Variants in CDH15 observed in about 807,000 individuals in gnomAD.
CDH15 encodes the protein cadherin 15.
CDH15 carries 73 observed loss-of-function variants against 69.4 expected under a neutral mutation model. The ratio of observed to expected loss-of-function variants is 1.05; its 90% CI spans 0.87 to 1.28. The LOEUF is 1.28. Ranked by LOEUF, CDH15 falls within the 50% of genes most tolerant of loss-of-function variation. The probability of loss-of-function intolerance (pLI) is 0.00; values close to 1 mark genes in which losing one functional copy is unlikely to be tolerated. For missense variants in CDH15, 1,343 were observed against 1,133.6 expected (o/e 1.18, Z -2.65); for synonymous variants, 624 against 507.7 (o/e 1.23, Z -3.08).
chr16:89,193,108 TG>T (rs748768483), intron 11 of CDH15, among the ~76,000 whole-genome samples: 7,037 of 7,162 alleles, frequency 0.98, 3,473 homozygotes, highest in Middle Eastern at 1. Flanking sequence ...CCTTCTCCAC[TG>T]CCGCCTCCTC....
chr16:89,180,205 G>C lies in CDH15; in HGVS notation c.207G>C (p.Lys69Asn). 1.2e-6 allele frequency: 2 copies of C among 1,610,988 alleles called. No homozygotes were observed. The highest frequency in any genetic ancestry group is 1.3e-5 in the African/African-American group (1 of 74,972). ...KRLPYPLVQI[K>N]SDKQQLGSVI... The stretch of plus-strand genomic sequence containing the variant: ...ACCCATTTCCTGCCCCACAGATCAA[G>C]TCGGACAAGCAGCAGCTGGGCAGCG... Residue 69 changes from lysine to asparagine, a missense_variant, in exon 3 of 14, where the codon AAG becomes AAC. Lys to Asn is a moderately conservative substitution (Grantham distance 94). Coordinates refer to ENST00000289746, the MANE Select transcript of CDH15 (RefSeq NM_004933.3).
At chr16:89,189,120 TGCCCACACAAAGATGCCGGCAC>T (rs1915575562) in intron 7 of CDH15, among the ~76,000 whole-genome samples, 1 of 124,526 alleles carries the variant, frequency 8.0e-6, no homozygotes. Context: ...CACGCACAGG[TGCCCACACAAAGATGCCGGCAC>T]ACACAGATGC....
At position 89,190,378 on chromosome 16, in the gene CDH15, C is replaced by A. The variant is rs1235039863; in HGVS notation, c.1114C>A (p.Pro372Thr). ...VRVHVQDTNE[P>T]PVFQENPLRT... ...CGTGCATGTGCAGGACACCAACGAG[C>A]CCCCCGTGTTCCAGGAGAACCCACT... is the stretch of plus-strand genomic sequence containing the variant. The change falls in exon 8 of 14, where the codon CCC (proline) becomes ACC (threonine). Residue 372 changes from proline to threonine, a missense_variant. Physicochemically the swap from Pro to Thr is conservative, Grantham distance 38 (BLOSUM62 -1). Coordinates refer to ENST00000289746, the MANE Select transcript of CDH15 (RefSeq NM_004933.3). 1.2e-6 allele frequency: 2 copies of A among 1,612,842 alleles called. No homozygotes were observed. Among genetic ancestry groups the A allele is most frequent in the Admixed American group, 3.3e-5 (2 of 59,976 alleles).
chr16:89,193,354 C>A, intron 11 of CDH15, 116 bp from the exon 12 acceptor site: 1 of 574,138 alleles, frequency 1.7e-6, no homozygotes, highest in African/African-American at 2.0e-5. Flanking sequence ...CCCTCAACCC[C>A]ACCCCTGCTT....
At chr16:89,187,363 C>T in intron 5 of CDH15, 66 bp from the exon 6 acceptor site, 4 of 1,599,440 alleles carry the variant, frequency 2.5e-6, no homozygotes, top group Non-Finnish European at 3.4e-6. Context: ...TGGCTCCCAC[C>T]CCTGACCAGT....
intron 1 of CDH15, among the ~76,000 whole-genome samples, chr16:89,175,310 C>T (rs1915235320): frequency 6.6e-6 from 1 of 152,220 alleles, no homozygotes; most frequent in African/African-American, 2.4e-5. Flanking sequence ...CCCTCCACCT[C>T]AGCCGTGTGG....
At chr16:89,183,470 G>A in intron 3 of CDH15, 78 bp from the exon 4 acceptor site, 5 of 1,541,020 alleles carry the variant, frequency 3.2e-6, no homozygotes, top group African/African-American at 1.4e-5. Flanking sequence ...TGAACGTGCT[G>A]TCTCTTTCGC....
intron 7 of CDH15, 138 bp downstream of exon 7, chr16:89,188,423 C>A (rs549425499): frequency 1.6e-6 from 1 of 639,198 alleles, no homozygotes; most frequent in African/African-American, 2.0e-5. Context: ...CACACAGATG[C>A]CCACACACAG....
chr16:89,195,125 G>T lies in CDH15; in HGVS notation c.2415G>T (p.Leu805=). 2 of 1,603,398 alleles carry T rather than the reference G, an allele frequency of 1.2e-6. No individual in the cohort carries two copies. The highest frequency in any genetic ancestry group is 8.5e-7 in the Non-Finnish European group (1 of 1,174,476). ...GGGAGGGTCTTTCTCCTGGGGCACT[G>T]CTACCCAGACACAGAGGCCGGACAG... The part of the protein sequence containing the change: ...QAREGLSPGA[L]LPRHRGRTA Residue 805 remains leucine, a synonymous_variant, in exon 14 of 14, where the codon CTG becomes CTT. Coordinates refer to ENST00000289746, the MANE Select transcript of CDH15 (RefSeq NM_004933.3).
At position 89,185,261 on chromosome 16, in the gene CDH15, C is replaced by G. The variant is rs751645454; in HGVS notation, c.591C>G (p.Gly197=). The G allele has an allele frequency of 6.2e-7, 1 of 1,605,908 alleles. No homozygotes were observed. The highest frequency in any genetic ancestry group is 8.5e-7 in the Non-Finnish European group (1 of 1,176,564). ...TGCGGTTCTCCATCCTGCAGCAGGG[C>G]AGCCCCGAGCTCTTCAGCATCGACG... ...AALRFSILQQ[G]SPELFSIDEL... Residue 197 remains glycine, a synonymous_variant, in exon 5 of 14, where the codon GGC becomes GGG. Transcript: ENST00000289746.
chr16:89,188,064 C>T (rs944306100), intron 6 of CDH15, 36 bp from the exon 7 acceptor site: 7 of 1,573,688 alleles, frequency 4.4e-6, no homozygotes, highest in Non-Finnish European at 6.0e-6. Context: ...GTCCCCCCAG[C>T]CCTGCTGGTA....
In CDH15 at chr16:89,188,296, C is replaced by T. The variant is rs1915536373; in HGVS notation, c.978+11C>T. 1.9e-6 allele frequency: 3 copies of T among 1,611,454 alleles called. No homozygotes were observed. Among genetic ancestry groups the T allele is most frequent in the Non-Finnish European group, 8.5e-7 (1 of 1,179,164 alleles). On this transcript the variant is annotated intron_variant, in intron 7 of 13. Coordinates refer to ENST00000289746, the MANE Select transcript of CDH15 (RefSeq NM_004933.3). ...CTGTCCATTGTGAAGGTGAGCGGCC[C>T]CCGGCTGGCACACAGATGCCGGCAG...
intron 5 of CDH15, chr16:89,185,617 C>A: frequency 1.9e-6 from 1 of 522,332 alleles, no homozygotes; most frequent in Non-Finnish European, 3.5e-6. Flanking sequence ...AGCCTCATGG[C>A]AACGGCTCCC....
intron 1 of CDH15, among the ~76,000 whole-genome samples, chr16:89,175,338 G>T: frequency 6.6e-6 from 1 of 152,338 alleles, no homozygotes; most frequent in East Asian, 1.9e-4. Context: ...AGAGCCTGGG[G>T]TCTCCCTGCC....
chr16:89,186,253 G>A (rs1423266486), intron 5 of CDH15: 10 of 92,422 alleles, frequency 1.1e-4, no homozygotes, highest in African/African-American at 4.2e-4. Flanking sequence ...CTCACCCAGT[G>A]CACAGTAGGT....
In CDH15 at chr16:89,191,476, A is replaced by T; in HGVS notation, c.1375+4A>T. 6.2e-7 allele frequency: 1 copy of T among 1,612,016 alleles called. No homozygotes were observed. The highest frequency in any genetic ancestry group is 8.5e-7 in the Non-Finnish European group (1 of 1,179,844). ...ATCGTCCTGGCCCAGGATGACGGTG[A>T]GCGGCGCCGCCGGCTTGGGGCTCCC... is the stretch of plus-strand genomic sequence containing the variant. On this transcript the variant is annotated splice_donor_region_variant and intron_variant, in intron 9 of 13. Transcript: ENST00000289746.
At chr16:89,181,388 G>A (rs1335447167) in intron 3 of CDH15, among the ~76,000 whole-genome samples, 2 of 152,036 alleles carry the variant, frequency 1.3e-5, no homozygotes, top group South Asian at 2.1e-4. Context: ...GAGGCAGGAG[G>A]ATCGCTTGAA....
intron 6 of CDH15, 88 bp downstream of exon 6, chr16:89,187,645 G>A: frequency 1.3e-6 from 2 of 1,552,460 alleles, no homozygotes; most frequent in South Asian, 1.1e-5. Flanking sequence ...CGGGCTTCAT[G>A]ATGGGGCAGG....
chr16:89,177,563 G>T (rs1299837354), intron 1 of CDH15, among the ~76,000 whole-genome samples: 2 of 152,040 alleles, frequency 1.3e-5, no homozygotes, highest in Non-Finnish European at 2.9e-5. Context: ...GCCAGGCCCG[G>T]GGCACAGGGG....
Sources: allele counts gnomAD v4.1 joint callset (sites outside exome capture counted in the v4.1 genomes callset), GRCh38; gene constraint gnomAD v4.1.1; transcripts MANE v1.5; gene names NCBI Gene and HGNC (gene_info 2026-07-23, HGNC 2026-07-21).